APMAP: variants seen among roughly 807,000 people sequenced by gnomAD.
APMAP encodes the protein adipocyte plasma membrane-associated protein.
A neutral mutation model predicts 43.6 loss-of-function variants in APMAP; 33 were observed. That is an observed-to-expected ratio of 0.76 (90% confidence interval 0.57 to 1.01). The LOEUF (loss-of-function observed/expected upper bound fraction) is 1.01, where lower values mean the gene tolerates loss of function less well. APMAP is among the 50% of genes least tolerant of loss of function. The pLI is 0.00. For missense variants in APMAP, 498 were observed against 540.7 expected, an observed-to-expected ratio of 0.92 and a Z score of 0.78; for synonymous variants, 224 against 216.7, an observed-to-expected ratio of 1.03 and a Z score of -0.30.
At position 24,969,098 on chromosome 20, in the gene APMAP, CCAAG is replaced by C. The variant is rs2087974391; in HGVS notation, c.849-18_849-15del. On this transcript the variant is annotated splice_polypyrimidine_tract_variant and intron_variant, in intron 7 of 8. Coordinates refer to ENST00000217456, the MANE Select transcript of APMAP (RefSeq NM_020531.3). ...GAAACGTAGACTCTGAAAAATTCAC[CCAAG>C]CAGAGAGTGAACCATAGCCCCTCAA... The C allele has an allele frequency of 1.9e-6, 3 of 1,569,606 alleles. No individual in the cohort carries two copies. Among genetic ancestry groups the C allele is most frequent in the Non-Finnish European group, 2.6e-6 (3 of 1,157,164 alleles).
chr20:24,988,660 G>A (rs1322059342), intron 1 of APMAP, among the ~76,000 whole-genome samples: 1 of 152,126 alleles, frequency 6.6e-6, no homozygotes, highest in African/African-American at 2.4e-5. Flanking sequence ...TACAGGGTGG[G>A]CCTGCGAACT....
In APMAP at chr20:24,992,718, C is replaced by T; in HGVS notation, c.-30G>A. On this transcript the variant is annotated 5_prime_UTR_variant, in exon 1 of 9. Coordinates refer to ENST00000217456, the MANE Select transcript of APMAP (RefSeq NM_020531.3). ...CGGGCGCCAGCCTCACCCGCAGAAA[C>T]CACCTCACACTGAGCGGCGCCGGCT... 2.1e-6 allele frequency: 3 copies of T among 1,457,080 alleles called. No homozygotes were observed. Among genetic ancestry groups the T allele is most frequent in the South Asian group, 1.3e-5 (1 of 78,078 alleles). The allele number at this position is 1,457,080 out of a possible 1,614,324, so 90.3% of individuals were successfully genotyped here. A position where few individuals can be genotyped will look rare whatever the true frequency, so the allele number is the denominator to read the frequency against.
intron 3 of APMAP, 116 bp from the exon 4 acceptor site, chr20:24,973,853 CCAATTCT>C: frequency 1.2e-6 from 1 of 818,598 alleles, no homozygotes. Context: ...AGAGGAAATG[CCAATTCT>C]CAAGATGGAA....
Position 24,963,503 on chromosome 20 carries a change from A to C in APMAP, c.*310T>G, listed in dbSNP as rs1261143548. On this transcript the variant is annotated 3_prime_UTR_variant, in exon 9 of 9. Transcript: ENST00000217456. ...CCACCTGAGCCCTGTTCCAAGTGCA[A>C]GGAGCTTCCCAAATCCTAGAGAATG... 2 of 367,770 alleles carry C rather than the reference A, an allele frequency of 5.4e-6. No homozygotes were observed. The highest frequency in any genetic ancestry group is 1.0e-5 in the Non-Finnish European group (2 of 195,984). The allele number at this position is 367,770 out of a possible 1,614,324, so 22.8% of individuals were successfully genotyped here. A position where few individuals can be genotyped will look rare whatever the true frequency, so the allele number is the denominator to read the frequency against.
At chr20:24,970,013 G>C (rs1397876398) in intron 6 of APMAP, among the ~76,000 whole-genome samples, 184 bp downstream of exon 6, 1 of 152,200 alleles carries the variant, frequency 6.6e-6, no homozygotes, top group Admixed American at 6.5e-5. Flanking sequence ...CAGAGAAAAC[G>C]AAAGCACCTT....
At chr20:24,988,074 T>C (rs1343661601) in intron 1 of APMAP, among the ~76,000 whole-genome samples, 1 of 152,110 alleles carries the variant, frequency 6.6e-6, no homozygotes, top group African/African-American at 2.4e-5. Flanking sequence ...TGGTACTGAG[T>C]CCAACAGGGA....
At chr20:24,973,788 G>T in intron 3 of APMAP, 51 bp from the exon 4 acceptor site, 1 of 1,532,306 alleles carries the variant, frequency 6.5e-7, no homozygotes, top group South Asian at 1.1e-5. Flanking sequence ...TAAGAAATGT[G>T]ACTAAGCCGC....
intron 7 of APMAP, 33 bp from the exon 8 acceptor site, chr20:24,969,117 T>C (rs369362805): frequency 1.3e-6 from 2 of 1,533,846 alleles, no homozygotes; most frequent in African/African-American, 1.4e-5. Flanking sequence ...GAGTGAACCA[T>C]AGCCCCTCAA....
intron 2 of APMAP, among the ~76,000 whole-genome samples, chr20:24,983,530 T>C (rs1848104030): frequency 6.6e-6 from 1 of 152,228 alleles, no homozygotes; most frequent in African/African-American, 2.4e-5. Flanking sequence ...GAACACTAAT[T>C]ATGGGTTTTG....
intron 3 of APMAP, among the ~76,000 whole-genome samples, chr20:24,977,690 A>C (rs1017510725): frequency 6.6e-6 from 1 of 152,248 alleles, no homozygotes; most frequent in African/African-American, 2.4e-5. Context: ...AAAAGACAGG[A>C]AAGTGCTCTC....
At chr20:24,990,433 A>G (rs1298762401) in intron 1 of APMAP, among the ~76,000 whole-genome samples, 1 of 152,180 alleles carries the variant, frequency 6.6e-6, no homozygotes, top group African/African-American at 2.4e-5. Context: ...CATCAGCAAA[A>G]CAAAGCAAAC....
intron 6 of APMAP, 108 bp from the exon 7 acceptor site, chr20:24,969,768 C>T: frequency 7.1e-7 from 1 of 1,417,632 alleles, no homozygotes; most frequent in Non-Finnish European, 9.4e-7. Flanking sequence ...CCCGGAGCAA[C>T]AGGCCCTGGG....
intron 2 of APMAP, among the ~76,000 whole-genome samples, chr20:24,980,367 A>G (rs1284814661): frequency 6.6e-6 from 1 of 152,242 alleles, no homozygotes; most frequent in East Asian, 1.9e-4. Context: ...GAAGGAAGGG[A>G]AACCCCACCT....
intron 5 of APMAP, 100 bp from the exon 6 acceptor site, chr20:24,970,471 A>G: frequency 9.7e-7 from 1 of 1,026,070 alleles, no homozygotes; most frequent in South Asian, 1.8e-5. Flanking sequence ...GAAAAACTGA[A>G]ACTTCTCCAT....
rs1177806329 is a variant in APMAP, at chr20:24,992,586, C to T, written c.95+8G>A. 2 of 1,531,740 alleles carry T rather than the reference C, an allele frequency of 1.3e-6. No homozygotes were observed. The highest frequency in any genetic ancestry group is 2.6e-5 in the East Asian group (1 of 39,080). 94.9% of individuals were successfully genotyped at this position (1,531,740 alleles called of 1,614,324 possible). ...GGCTCCAGCGCCCAGTCTGGGAGTC[C>T]GCCCTACCTGCCGTCCTTAGCCTCC... On this transcript the variant is annotated splice_region_variant and intron_variant, in intron 1 of 8. Coordinates refer to ENST00000217456, the MANE Select transcript of APMAP (RefSeq NM_020531.3).
chr20:24,963,783 C>G lies in APMAP; in HGVS notation c.*30G>C, dbSNP rs1426842822. 1 of 1,608,636 alleles carries G rather than the reference C, an allele frequency of 6.2e-7. No individual in the cohort carries two copies. The highest frequency in any genetic ancestry group is 1.7e-5 in the Admixed American group (1 of 59,934). On this transcript the variant is annotated 3_prime_UTR_variant, in exon 9 of 9. Coordinates refer to ENST00000217456, the MANE Select transcript of APMAP (RefSeq NM_020531.3). ...GTGCCTGAGTGTGAAGACTCCTGGC[C>G]TGCGTGGCAGGGGCAGCTATCTGGG...
intron 8 of APMAP, among the ~76,000 whole-genome samples, chr20:24,965,366 T>C (rs939291506): frequency 1.3e-4 from 20 of 152,266 alleles, no homozygotes; most frequent in African/African-American, 4.6e-4. Context: ...CTCCTTGCAG[T>C]AGCTGCAGTT....
intron 1 of APMAP, among the ~76,000 whole-genome samples, chr20:24,988,899 G>A (rs1190382250): frequency 6.6e-6 from 1 of 152,202 alleles, no homozygotes; most frequent in Non-Finnish European, 1.5e-5. Context: ...ATAGCTACTA[G>A]CCATGTGTGG....
At chr20:24,986,122 A>G (rs1329858517) in intron 1 of APMAP, among the ~76,000 whole-genome samples, 1 of 152,206 alleles carries the variant, frequency 6.6e-6, no homozygotes, top group Non-Finnish European at 1.5e-5. Context: ...GCCCGAGGGC[A>G]GTGTTAACCA....
Sources: allele counts gnomAD v4.1 joint callset (sites outside exome capture counted in the v4.1 genomes callset), GRCh38; gene constraint gnomAD v4.1.1; transcripts MANE v1.5; gene names NCBI Gene and HGNC (gene_info 2026-07-23, HGNC 2026-07-21).